Variants in POLR3E observed in about 807,000 individuals in gnomAD.
The protein encoded by POLR3E is RNA polymerase III subunit E.
A neutral mutation model predicts 96.6 loss-of-function variants in POLR3E; 41 were observed. The ratio of observed to expected loss-of-function variants is 0.42; its 90% CI spans 0.33 to 0.55. The LOEUF is 0.55. POLR3E is among the 20% of genes least tolerant of loss of function. POLR3E has a pLI of 0.06. For synonymous variants in POLR3E, 396 were observed against 383.6 expected, an observed-to-expected ratio of 1.03 and a Z score of -0.38; for missense variants, 849 against 952.1, an observed-to-expected ratio of 0.89 and a Z score of 1.43.
chr16:22,311,444 A>G (rs1934018546), intron 6 of POLR3E, among the ~76,000 whole-genome samples: 1 of 150,032 alleles, frequency 6.7e-6, no homozygotes, highest in Non-Finnish European at 1.5e-5. Context: ...CTTTTACTGT[A>G]CCTTTTTTAT....
Position 22,322,046 on chromosome 16 carries a change from T to A in POLR3E, c.987-804T>A, listed in dbSNP as rs887428844. ...GCAGAGATCATGGCATGGACCAGGT[T>A]TGTTTGGTCAGCACACACTTAATAG... is the stretch of plus-strand genomic sequence containing the variant. On this transcript the variant is annotated intron_variant, in intron 13 of 20. Coordinates refer to ENST00000299853, the MANE Select transcript of POLR3E (RefSeq NM_018119.4). This position sits in a 1 kb window ranked among gnomAD's most constrained non-coding sequence, Gnocchi z 5.2. Among the ~76,000 whole-genome samples the A allele has an allele frequency of 1.1e-4, 16 of 152,134 alleles. No individual in the cohort carries two copies. Among genetic ancestry groups the A allele is most frequent in the Admixed American group, 4.6e-4 (7 of 15,276 alleles).
At position 22,313,523 on chromosome 16, in the gene POLR3E, T is replaced by C; in HGVS notation, c.365-97T>C. ...GCTGCAGCGGGAATGGGAGGCGGTTTGATGGTGGGCCTAGGCCTTCACGGG... is the reference window on the plus strand; with the variant it reads ...GCTGCAGCGGGAATGGGAGGCGGTTCGATGGTGGGCCTAGGCCTTCACGGG... On this transcript the variant is annotated intron_variant, in intron 6 of 20. Coordinates refer to ENST00000299853, the MANE Select transcript of POLR3E (RefSeq NM_018119.4). The surrounding 1 kb of genome is among the most constrained non-coding windows in gnomAD (Gnocchi z 4.1). 2.7e-6 allele frequency: 2 copies of C among 746,740 alleles called. No homozygotes were observed. Among genetic ancestry groups the C allele is most frequent in the Non-Finnish European group, 2.4e-6 (1 of 422,466 alleles). 46.3% of individuals were successfully genotyped at this position (746,740 alleles called of 1,614,324 possible).
intron 1 of POLR3E, among the ~76,000 whole-genome samples, chr16:22,298,758 T>C (rs911402694): frequency 9.2e-5 from 14 of 152,208 alleles, no homozygotes; most frequent in African/African-American, 3.4e-4. Flanking sequence ...ATTTCCAAAT[T>C]GAAGATGATA....
chr16:22,325,095 T>C (rs12596086), intron 16 of POLR3E, 110 bp from the exon 17 acceptor site: 16,776 of 851,198 alleles, frequency 0.02, 795 homozygotes, highest in East Asian at 0.14. Flanking sequence ...GCTCCAAGCC[T>C]GCGCTGTCAG....
intron 1 of POLR3E, among the ~76,000 whole-genome samples, chr16:22,298,052 G>A (rs1388454282): frequency 6.6e-6 from 1 of 152,250 alleles, no homozygotes; most frequent in Non-Finnish European, 1.5e-5. Context: ...GCGAGGCCAG[G>A]GATTCCTCAT....
intron 18 of POLR3E, chr16:22,326,508 AGGCCC>A: frequency 1.7e-6 from 1 of 585,740 alleles, no homozygotes; most frequent in Admixed American, 2.9e-5. Context: ...CGGTGTCTGA[AGGCCC>A]GGCCTATTGC....
intron 12 of POLR3E, among the ~76,000 whole-genome samples, chr16:22,317,845 A>G (rs2048392006): frequency 6.6e-6 from 1 of 151,856 alleles, no homozygotes; most frequent in African/African-American, 2.4e-5. Flanking sequence ...CTTCACTGGC[A>G]TTGCTTCTGG....
intron 1 of POLR3E, chr16:22,298,993 C>T (rs986134632): frequency 1.1e-5 from 5 of 455,898 alleles, no homozygotes; most frequent in East Asian, 6.9e-5. Context: ...ATGGAGCTTA[C>T]GTTCTATTGC....
At chr16:22,303,165 C>T (rs552671120) in intron 2 of POLR3E, among the ~76,000 whole-genome samples, 161 bp downstream of exon 2, 5 of 152,158 alleles carry the variant, frequency 3.3e-5, no homozygotes, top group East Asian at 3.9e-4. Context: ...CAGACCCCTG[C>T]GTGGCTGACC....
intron 13 of POLR3E, among the ~76,000 whole-genome samples, chr16:22,321,406 T>C (rs2048469087): frequency 6.6e-6 from 1 of 152,246 alleles, no homozygotes; most frequent in Non-Finnish European, 1.5e-5. Context: ...TACTGCCACC[T>C]GGTGGCGCCC....
At chr16:22,315,271 G>A (rs1390208144) in intron 9 of POLR3E, 63 bp downstream of exon 9, 2 of 1,505,432 alleles carry the variant, frequency 1.3e-6, no homozygotes, top group East Asian at 4.9e-5. Flanking sequence ...TCATGGTGTG[G>A]CCTCCGTGTC....
chr16:22,321,577 G>T (rs1043997444), intron 13 of POLR3E, among the ~76,000 whole-genome samples: 10 of 152,222 alleles, frequency 6.6e-5, no homozygotes, highest in Non-Finnish European at 1.3e-4. Context: ...AGCCAAGAGG[G>T]GTCCTCCCGT....
In POLR3E at chr16:22,324,466, G is replaced by GC. The variant is rs977219381; in HGVS notation, c.1129-36dup. 6 of 1,610,398 alleles carry GC rather than the reference G, an allele frequency of 3.7e-6. No homozygotes were observed. In the African/African-American group the frequency reaches 8.1e-5, roughly 22 times the overall value. On this transcript the variant is annotated intron_variant, in intron 15 of 20. Coordinates refer to ENST00000299853, the MANE Select transcript of POLR3E (RefSeq NM_018119.4). Reference sequence around the variant, plus strand: ...CCAGGCTGCTGCTGGAGGGGAGGGGGCTGGCTGTGCCTCACGCTGGGCCCC... The same window carrying GC: ...CCAGGCTGCTGCTGGAGGGGAGGGGGCCTGGCTGTGCCTCACGCTGGGCCCC...
chr16:22,324,477 C>T (rs2048536490), intron 15 of POLR3E, 26 bp from the exon 16 acceptor site: 3 of 1,610,134 alleles, frequency 1.9e-6, no homozygotes, highest in South Asian at 1.1e-5. Context: ...CTGGCTGTGC[C>T]TCACGCTGGG....
chr16:22,326,622 T>G (rs1011101846), intron 18 of POLR3E: 4 of 412,786 alleles, frequency 9.7e-6, no homozygotes, highest in Non-Finnish European at 1.8e-5. Flanking sequence ...TGCCATTGTT[T>G]GGAATGATTT....
chr16:22,315,385 C>T (rs1598256670), intron 9 of POLR3E, among the ~76,000 whole-genome samples, 177 bp downstream of exon 9: 1 of 152,162 alleles, frequency 6.6e-6, no homozygotes, highest in African/African-American at 2.4e-5. Context: ...TAGCGTGGGC[C>T]CCAGGAGAGC....
Position 22,333,763 on chromosome 16 carries a change from T to C in POLR3E, c.*63T>C, listed in dbSNP as rs566958920. 80 of 1,137,566 alleles carry C rather than the reference T, an allele frequency of 7.0e-5. No individual in the cohort carries two copies. The highest frequency in any genetic ancestry group is 1.4e-4 in the East Asian group (6 of 42,692). The allele number at this position is 1,137,566 out of a possible 1,614,324, so 70.5% of individuals were successfully genotyped here. On this transcript the variant is annotated 3_prime_UTR_variant, in exon 21 of 21. Transcript: ENST00000299853. ...CAAGGAAGAAGGGCGGAACCAGAAGTAGGGCCTCGACTTGCTTCAGACGAC... is the reference window on the plus strand; with the variant it reads ...CAAGGAAGAAGGGCGGAACCAGAAGCAGGGCCTCGACTTGCTTCAGACGAC...
rs2048298586 is a variant in POLR3E, at chr16:22,313,841, C to A, written c.472+114C>A. ...TGTTTAGCAGGATCCCTGGCCTCTA[C>A]CTACTAGATGCCAGAAGCACCCACC... On this transcript the variant is annotated intron_variant, in intron 7 of 20. Coordinates refer to ENST00000299853, the MANE Select transcript of POLR3E (RefSeq NM_018119.4). The surrounding 1 kb of genome is among the most constrained non-coding windows in gnomAD (Gnocchi z 4.1). The A allele has an allele frequency of 4.0e-6, 3 of 753,870 alleles. No individual in the cohort carries two copies. Among genetic ancestry groups the A allele is most frequent in the Non-Finnish European group, 6.7e-6 (3 of 448,150 alleles). The allele number at this position is 753,870 out of a possible 1,614,324, so 46.7% of individuals were successfully genotyped here. A position where few individuals can be genotyped will look rare whatever the true frequency, so the allele number is the denominator to read the frequency against.
intron 9 of POLR3E, among the ~76,000 whole-genome samples, chr16:22,316,133 C>T (rs2048351400): frequency 6.6e-6 from 1 of 152,176 alleles, no homozygotes; most frequent in Non-Finnish European, 1.5e-5. Context: ...GACCCTTAGA[C>T]TCGGGGTCAA....
Sources: allele counts gnomAD v4.1 joint callset (sites outside exome capture counted in the v4.1 genomes callset), GRCh38; gene constraint gnomAD v4.1.1; non-coding constraint Gnocchi (gnomAD v3.1); transcripts MANE v1.5; gene names NCBI Gene and HGNC (gene_info 2026-07-23, HGNC 2026-07-21).